The following MTUS1 variants were observed in gnomAD, a reference collection of about 807,000 sequenced individuals.
The protein encoded by MTUS1 is microtubule-associated tumor suppressor 1.
Under a neutral mutation model 120.8 loss-of-function variants are expected in MTUS1, and 109 were observed. That is an observed-to-expected ratio of 0.90 (90% CI 0.77 to 1.06). MTUS1 has a LOEUF of 1.06. MTUS1 is among the 50% of genes least tolerant of loss of function. The pLI, the probability that MTUS1 is intolerant of heterozygous loss-of-function variation, is 0.00. For synonymous variants in MTUS1, 737 were observed against 550.5 expected, an observed-to-expected ratio of 1.34 and a Z score of -4.74; for missense variants, 2,210 against 1,486.3, an observed-to-expected ratio of 1.49 and a Z score of -8.01.
Position 17,755,197 on chromosome 8 carries a change from G to A in MTUS1, c.611C>T (p.Ser204Phe), listed in dbSNP as rs2048514016. The A allele has an allele frequency of 6.2e-7, 1 of 1,614,166 alleles. No individual in the cohort carries two copies. The highest frequency in any genetic ancestry group is 1.7e-5 in the Admixed American group (1 of 60,028). ...ATGGGAAGATGTCCAAGTGGAATAG[G>A]ATAAAGAAGATGTACTTCCACTTCT... Reference protein sequence around the residue: ...GRRSGSTSSLSYSTWTSSHSD... With the variant: ...GRRSGSTSSLFYSTWTSSHSD... Residue 204 changes from serine to phenylalanine, a missense_variant, in exon 2 of 15, where the codon TCC becomes TTC. By Grantham distance (155) the Ser-to-Phe change is radical (BLOSUM62 -2). Coordinates refer to ENST00000693296, the MANE Select transcript of MTUS1 (RefSeq NM_001363059.2).
intron 2 of MTUS1, among the ~76,000 whole-genome samples, chr8:17,746,478 G>A (rs1045599021): frequency 1.3e-5 from 2 of 152,122 alleles, no homozygotes; most frequent in African/African-American, 4.8e-5. Flanking sequence ...CATGGCAGAA[G>A]GTGAAAGGTT....
chr8:17,708,783 T>G (rs986387148), intron 6 of MTUS1: 1 of 152,192 alleles, frequency 6.6e-6, no homozygotes, highest in African/African-American at 2.4e-5. Context: ...CTGGGGATCT[T>G]TAGAACTTAG....
chr8:17,699,613 A>G (rs1310780069), intron 6 of MTUS1, among the ~76,000 whole-genome samples: 1 of 152,254 alleles, frequency 6.6e-6, no homozygotes, highest in African/African-American at 2.4e-5. Flanking sequence ...TTTTTACTTG[A>G]ATTACATTAA....
intron 1 of MTUS1, among the ~76,000 whole-genome samples, chr8:17,779,754 G>C (rs1293644206): frequency 6.6e-6 from 1 of 152,232 alleles, no homozygotes; most frequent in Non-Finnish European, 1.5e-5. Flanking sequence ...GCCTCTAAGA[G>C]ATTCTTCTTT....
intron 6 of MTUS1, among the ~76,000 whole-genome samples, chr8:17,688,945 C>T (rs1816395604): frequency 6.6e-6 from 1 of 152,094 alleles, no homozygotes; most frequent in Non-Finnish European, 1.5e-5. Flanking sequence ...GGTGCGGTGG[C>T]TCACACCTGT....
Position 17,676,412 on chromosome 8 carries a change from T to C in MTUS1, c.2839-1160A>G, listed in dbSNP as rs1585605379. Reference sequence around the variant, plus strand: ...GTGGCCGCGCCACCCACCAGTCGGGTCTGTCTACATTCAAAGCTCTAGCAG... The same window carrying C: ...GTGGCCGCGCCACCCACCAGTCGGGCCTGTCTACATTCAAAGCTCTAGCAG... On this transcript the variant is annotated intron_variant, in intron 7 of 14. Coordinates refer to ENST00000693296, the MANE Select transcript of MTUS1 (RefSeq NM_001363059.2). The C allele has an allele frequency of 5.7e-6, 4 of 698,474 alleles. No homozygotes were observed. The Admixed American group carries it at 8.1e-5, about 14-fold the overall frequency. The allele number at this position is 698,474 out of a possible 1,614,324, so 43.3% of individuals were successfully genotyped here.
chr8:17,781,983 C>G (rs1026225050), intron 1 of MTUS1, among the ~76,000 whole-genome samples: 12 of 152,174 alleles, frequency 7.9e-5, no homozygotes, highest in Non-Finnish European at 1.3e-4. Context: ...TAAAGGCCCT[C>G]CAAGGACAGC....
At chr8:17,785,456 C>A (rs572320479) in intron 1 of MTUS1, among the ~76,000 whole-genome samples, 1 of 152,154 alleles carries the variant, frequency 6.6e-6, no homozygotes, top group African/African-American at 2.4e-5. Flanking sequence ...CAAAACTCTG[C>A]AGAGACAGCA....
Position 17,644,184 on chromosome 8 carries a change from C to G in MTUS1, c.*1742G>C, listed in dbSNP as rs1392498460. ...GATATCTCATGAAGTGGCAGTGAAC[C>G]TACATTTCCATTTATCAGAAGCAAA... On this transcript the variant is annotated 3_prime_UTR_variant, in exon 15 of 15. Coordinates refer to ENST00000693296, the MANE Select transcript of MTUS1 (RefSeq NM_001363059.2). The G allele has an allele frequency of 6.6e-6, 1 of 152,236 alleles. No individual in the cohort carries two copies. The highest frequency in any genetic ancestry group is 1.5e-5 in the Non-Finnish European group (1 of 68,026). The allele number at this position is 152,236 out of a possible 1,614,324, so 9.4% of individuals were successfully genotyped here. A position where few individuals can be genotyped will look rare whatever the true frequency, so the allele number is the denominator to read the frequency against.
intron 12 of MTUS1, among the ~76,000 whole-genome samples, chr8:17,652,379 C>T (rs550040188): frequency 6.6e-6 from 1 of 152,210 alleles, no homozygotes; most frequent in Non-Finnish European, 1.5e-5. Context: ...AAGTAAACGA[C>T]GCCAGTCTTA....
chr8:17,799,009 T>A lies in MTUS1; in HGVS notation c.-155+2052A>T, dbSNP rs576109478. Among the ~76,000 whole-genome samples the A allele has an allele frequency of 1.8e-4, 19 of 105,436 alleles. No individual in the cohort carries two copies. The East Asian group carries it at 4.5e-3, about 25-fold the overall frequency. The allele number at this position is 105,436 out of a possible 152,430, so 69.2% of individuals were successfully genotyped here. ...AGAAAGCACTGTTCACCTATAAACC[T>A]GGGAAGAATTTTTTTTTTTTCCCTT... On this transcript the variant is annotated intron_variant, in intron 1 of 14. Transcript: ENST00000693296.
intron 1 of MTUS1, among the ~76,000 whole-genome samples, chr8:17,787,347 C>T (rs1255385059): frequency 1.3e-5 from 2 of 152,218 alleles, no homozygotes; most frequent in Admixed American, 6.5e-5. Context: ...TTCCCCCATC[C>T]CTCCTCCTCT....
chr8:17,751,084 A>C (rs1456918964), intron 2 of MTUS1, among the ~76,000 whole-genome samples: 1 of 152,156 alleles, frequency 6.6e-6, no homozygotes, highest in Non-Finnish European at 1.5e-5. Flanking sequence ...TGGGAGGCCA[A>C]TGTGGGCGGA....
At chr8:17,673,674 C>G (rs1257338859) in intron 8 of MTUS1, among the ~76,000 whole-genome samples, 3 of 152,094 alleles carry the variant, frequency 2.0e-5, no homozygotes, top group Non-Finnish European at 4.4e-5. Context: ...AAGCTGGTCT[C>G]AAACTGCTGG....
At chr8:17,767,533 TAA>T (rs71543699) in intron 1 of MTUS1, among the ~76,000 whole-genome samples, 8 of 141,294 alleles carry the variant, frequency 5.7e-5, no homozygotes, top group Admixed American at 2.1e-4. Flanking sequence ...CCCATCTCTT[TAA>T]AAAAAAAAAA....
chr8:17,656,209 T>C (rs898014882), intron 8 of MTUS1, 144 bp from the exon 9 acceptor site: 17 of 733,070 alleles, frequency 2.3e-5, no homozygotes, highest in Middle Eastern at 3.0e-4. Flanking sequence ...TCTTCAAATA[T>C]AACAGTATGG....
rs2048484153 is a variant in MTUS1, at chr8:17,754,925, C to G, written c.883G>C (p.Val295Leu). ...TTGGGGACTTCCATGCCATCAGAAA[C>G]TGGTGTTAGTGCTTGTGTCTCCTTT... ...GEKETQALTPVSDGMEVPNDS... is the reference protein window; with the variant it reads ...GEKETQALTPLSDGMEVPNDS... The change falls in exon 2 of 15, where the codon GTT becomes CTT. Residue 295 changes from valine (V) to leucine (L), a missense_variant. Physicochemically the swap from Val to Leu is conservative, Grantham distance 32. Transcript: ENST00000693296. The G allele has an allele frequency of 6.2e-7, 1 of 1,614,106 alleles. No individual in the cohort carries two copies. The highest frequency in any genetic ancestry group is 1.3e-5 in the African/African-American group (1 of 75,062).
At chr8:17,757,277 A>G (rs981544896) in intron 1 of MTUS1, among the ~76,000 whole-genome samples, 2 of 152,218 alleles carry the variant, frequency 1.3e-5, no homozygotes, top group African/African-American at 2.4e-5. Flanking sequence ...TTGAAATATT[A>G]TATCAAATGA....
chr8:17,699,463 C>A (rs920345846), intron 6 of MTUS1, among the ~76,000 whole-genome samples: 2 of 152,164 alleles, frequency 1.3e-5, no homozygotes, highest in African/African-American at 4.8e-5. Flanking sequence ...GATCCACACA[C>A]CTCGGCCTCC....
Sources: gnomAD v4.1 joint callset for allele counts (sites outside exome capture counted in the v4.1 genomes callset) on GRCh38, gnomAD v4.1.1 for gene constraint, MANE v1.5 for transcripts, NCBI Gene and HGNC (gene_info 2026-07-23, HGNC 2026-07-21) for gene names.